VTI1A: variants seen among roughly 807,000 people sequenced by gnomAD.
VTI1A encodes the protein vesicle transport through interaction with t-SNAREs homolog 1A.
VTI1A carries 22 observed loss-of-function variants against 34.9 expected under a neutral mutation model. The observed-to-expected ratio is 0.63, with a 90% CI of 0.45 to 0.90. The LOEUF is 0.90. Among genes scored for constraint, VTI1A ranks in the 40% least tolerant of loss-of-function variants. The pLI is 0.00. For missense variants in VTI1A, 268 were observed against 275.6 expected (o/e 0.97, Z 0.20); for synonymous variants, 87 against 97.3 (o/e 0.89, Z 0.62).
chr10:112,541,791 C>T (rs916452275), intron 5 of VTI1A, among the ~76,000 whole-genome samples: 5 of 152,184 alleles, frequency 3.3e-5, no homozygotes, highest in African/African-American at 1.2e-4. Context: ...CATGATTATT[C>T]CTAAGTGCTG....
intron 5 of VTI1A, among the ~76,000 whole-genome samples, chr10:112,584,830 A>T (rs1346058145): frequency 6.6e-6 from 1 of 152,234 alleles, no homozygotes; most frequent in Non-Finnish European, 1.5e-5. Context: ...TTGGGATAGC[A>T]TATTCACATT....
In VTI1A at chr10:112,768,874, A is replaced by G. The variant is rs370169827; in HGVS notation, c.561-46416A>G. 2.6e-5 allele frequency among the ~76,000 whole-genome samples: 4 copies of G among 152,366 alleles called. No homozygotes were observed. In the East Asian group the frequency reaches 7.7e-4, roughly 29 times the overall value. Reference sequence around the variant, plus strand: ...CAATGAAATATGCGTTTATGCAGACAAACAGAGAATGGTACAGCTTAGGGT... The same window carrying G: ...CAATGAAATATGCGTTTATGCAGACGAACAGAGAATGGTACAGCTTAGGGT... On this transcript the variant is annotated intron_variant, in intron 7 of 7. Coordinates refer to ENST00000393077, the MANE Select transcript of VTI1A (RefSeq NM_145206.4).
At chr10:112,665,039 C>T (rs1220078530) in intron 5 of VTI1A, among the ~76,000 whole-genome samples, 1 of 152,046 alleles carries the variant, frequency 6.6e-6, no homozygotes, top group African/African-American at 2.4e-5. Flanking sequence ...TTCTTAAGGC[C>T]CTATGGAAGT....
intron 5 of VTI1A, among the ~76,000 whole-genome samples, chr10:112,625,881 G>A (rs923882053): frequency 6.6e-6 from 1 of 151,932 alleles, no homozygotes; most frequent in Non-Finnish European, 1.5e-5. Flanking sequence ...AAACACTACA[G>A]AAATAAAAAA....
intron 7 of VTI1A, among the ~76,000 whole-genome samples, chr10:112,793,633 G>A (rs966063124): frequency 7.2e-5 from 11 of 152,220 alleles, no homozygotes; most frequent in African/African-American, 2.4e-4. Context: ...AATGCCAGAT[G>A]CTACAAACGC....
chr10:112,554,231 A>G (rs1851466748), intron 5 of VTI1A, among the ~76,000 whole-genome samples: 1 of 152,212 alleles, frequency 6.6e-6, no homozygotes, highest in African/African-American at 2.4e-5. Flanking sequence ...CTGCAAATGT[A>G]TATATGTCAT....
At chr10:112,730,722 T>A (rs1363879277) in intron 7 of VTI1A, among the ~76,000 whole-genome samples, 2 of 152,062 alleles carry the variant, frequency 1.3e-5, no homozygotes, top group African/African-American at 4.8e-5. Flanking sequence ...AACCACCGTA[T>A]AATAAATCCA....
intron 4 of VTI1A, among the ~76,000 whole-genome samples, chr10:112,534,327 T>C (rs1243943667): frequency 6.6e-6 from 1 of 152,168 alleles, no homozygotes; most frequent in Non-Finnish European, 1.5e-5. Flanking sequence ...TTTGGTACTC[T>C]TTTTTAGAGA....
At chr10:112,486,937 C>A (rs1190946119) in intron 3 of VTI1A, among the ~76,000 whole-genome samples, 1 of 151,928 alleles carries the variant, frequency 6.6e-6, no homozygotes, top group African/African-American at 2.4e-5. Context: ...CTCTTTACCG[C>A]AGTGCATTGT....
At chr10:112,638,062 C>A (rs1177501819) in intron 5 of VTI1A, among the ~76,000 whole-genome samples, 1 of 152,208 alleles carries the variant, frequency 6.6e-6, no homozygotes, top group Non-Finnish European at 1.5e-5. Context: ...TTGTTAAAAT[C>A]AGAATTAAGT....
intron 2 of VTI1A, among the ~76,000 whole-genome samples, chr10:112,462,834 G>A (rs970671036): frequency 6.6e-6 from 1 of 152,162 alleles, no homozygotes; most frequent in Admixed American, 6.5e-5. Context: ...AAACTACATG[G>A]CAGCATTTTT....
At position 112,808,841 on chromosome 10, in the gene VTI1A, G is replaced by A. The variant is rs1853184700; in HGVS notation, c.561-6449G>A. 9.2e-5 allele frequency among the ~76,000 whole-genome samples: 14 copies of A among 152,190 alleles called. No individual in the cohort carries two copies. The South Asian group carries it at 2.9e-3, about 32-fold the overall frequency. ...TTCCTCTGGTGTCGGCTTCTTTCAG[G>A]CAGCCTCGTCCGGTATGGTAGTAAG... On this transcript the variant is annotated intron_variant, in intron 7 of 7. Coordinates refer to ENST00000393077, the MANE Select transcript of VTI1A (RefSeq NM_145206.4).
At chr10:112,766,229 A>G (rs1272560386) in intron 7 of VTI1A, among the ~76,000 whole-genome samples, 4 of 152,258 alleles carry the variant, frequency 2.6e-5, no homozygotes, top group South Asian at 2.1e-4. Context: ...GGAAAGAAAC[A>G]CAAGTCAAAG....
intron 5 of VTI1A, among the ~76,000 whole-genome samples, chr10:112,590,928 C>G (rs1844363172): frequency 6.6e-6 from 1 of 151,748 alleles, no homozygotes; most frequent in Non-Finnish European, 1.5e-5. Context: ...TGGCAAAATC[C>G]TGTCTGTACA....
chr10:112,563,272 G>A (rs976473726), intron 5 of VTI1A, among the ~76,000 whole-genome samples: 2 of 152,150 alleles, frequency 1.3e-5, no homozygotes, highest in African/African-American at 2.4e-5. Context: ...TTGAACTACG[G>A]TAGCTAAGGT....
At chr10:112,590,856 T>C (rs1272538157) in intron 5 of VTI1A, among the ~76,000 whole-genome samples, 1 of 152,052 alleles carries the variant, frequency 6.6e-6, no homozygotes, top group Admixed American at 6.5e-5. Flanking sequence ...ATCCCAGCAC[T>C]TTGGAAGGCC....
At chr10:112,765,192 ATGTTTTGTTTTGTTTTGTTT>A (rs72146474) in intron 7 of VTI1A, among the ~76,000 whole-genome samples, 1 of 151,660 alleles carries the variant, frequency 6.6e-6, no homozygotes, top group African/African-American at 2.4e-5. Context: ...ACTAGTTTGT[ATGTTTTGTTTTGTTTTGTTT>A]TGTTTTGTTT....
At chr10:112,838,097 C>A in the VTI1A span, among the ~76,000 whole-genome samples, 5,475 of 152,342 alleles carry the variant, frequency 0.036, 346 homozygotes, top group African/African-American at 0.12. Context: ...AGCTCAATGT[C>A]CTGGCCTGGT....
At chr10:112,553,991 G>A (rs910960950) in intron 5 of VTI1A, among the ~76,000 whole-genome samples, 5 of 152,150 alleles carry the variant, frequency 3.3e-5, no homozygotes, top group Non-Finnish European at 7.4e-5. Flanking sequence ...AAGGATAGAT[G>A]ACTTACAGGC....
Sources: allele counts gnomAD v4.1 joint callset (sites outside exome capture counted in the v4.1 genomes callset), GRCh38; gene constraint gnomAD v4.1.1; transcripts MANE v1.5; gene names NCBI Gene and HGNC (gene_info 2026-07-23, HGNC 2026-07-21).